The following TLN2 variants were observed in gnomAD, a reference collection of about 807,000 sequenced individuals.
TLN2 encodes the protein talin-2.
A neutral mutation model predicts 294.7 loss-of-function variants in TLN2; 118 were observed. The ratio of observed to expected loss-of-function variants is 0.40; its 90% CI spans 0.34 to 0.47. The LOEUF is 0.47. Among genes scored for constraint, TLN2 ranks in the 20% least tolerant of loss-of-function variants. The pLI, the probability that TLN2 is intolerant of heterozygous loss-of-function variation, is 0.84. For missense variants in TLN2, 3,083 were observed against 3,282.2 expected, an observed-to-expected ratio of 0.94 and a Z score of 1.48; for synonymous variants, 1,431 against 1,304.5, an observed-to-expected ratio of 1.10 and a Z score of -2.09.
chr15:62,822,563 T>TGGG (rs1174201276), intron 54 of TLN2, among the ~76,000 whole-genome samples: 2 of 152,192 alleles, frequency 1.3e-5, no homozygotes, highest in African/African-American at 4.8e-5. Flanking sequence ...GTCACTCAGC[T>TGGG]GGGAGGGCTA....
At chr15:62,619,110 G>A (rs578183530) in intron 3 of TLN2, among the ~76,000 whole-genome samples, 29 of 152,106 alleles carry the variant, frequency 1.9e-4, no homozygotes, top group African/African-American at 7.0e-4. Context: ...ACTGAGCATA[G>A]CAATGAATCT....
intron 17 of TLN2, 121 bp from the exon 18 acceptor site, chr15:62,701,871 A>G (rs951785026): frequency 2.5e-5 from 28 of 1,140,464 alleles, no homozygotes; most frequent in Non-Finnish European, 3.1e-5. Flanking sequence ...TGCTCATGTG[A>G]AGCTTGGTGT....
At chr15:62,551,095 C>T (rs544191775) in intron 1 of TLN2, among the ~76,000 whole-genome samples, 2 of 152,136 alleles carry the variant, frequency 1.3e-5, no homozygotes, top group Non-Finnish European at 2.9e-5. Flanking sequence ...CTAGGTCCCT[C>T]GCATGGGTGG....
At chr15:62,561,524 G>C (rs1032701391) in intron 1 of TLN2, 2 of 152,246 alleles carry the variant, frequency 1.3e-5, no homozygotes, top group Non-Finnish European at 2.9e-5. Flanking sequence ...GACTCCTGTG[G>C]CTAACTTCTC....
chr15:62,662,744 A>T (rs1389333624), intron 9 of TLN2, among the ~76,000 whole-genome samples: 1 of 151,778 alleles, frequency 6.6e-6, no homozygotes, highest in Non-Finnish European at 1.5e-5. Context: ...AATACATAAT[A>T]TATTCATGAT....
rs1394435449 is a variant in TLN2 at position 62,492,557 on chromosome 15, AAAAG to A, written c.-237-97126_-237-97123del. On this transcript the variant is annotated intron_variant, in intron 1 of 58. Coordinates refer to ENST00000636159, the MANE Select transcript of TLN2 (RefSeq NM_015059.3). ...AGACTCTGTCTCAAAAAAAAAAAAA[AAAAG>A]AAAAAAAGAAAAAAAACTATTCCAA... 1.4e-3 allele frequency among the ~76,000 whole-genome samples: 218 copies of A among 151,212 alleles called. 1 individual carries two copies. The highest frequency in any genetic ancestry group is 5.1e-3 in the African/African-American group (209 of 41,170).
At chr15:62,526,389 C>T (rs1248402621) in intron 1 of TLN2, among the ~76,000 whole-genome samples, 1 of 152,188 alleles carries the variant, frequency 6.6e-6, no homozygotes, top group Non-Finnish European at 1.5e-5. Flanking sequence ...TGGTACACTT[C>T]CTCTGAATGA....
At chr15:62,525,944 G>A (rs1026800205) in intron 1 of TLN2, among the ~76,000 whole-genome samples, 1 of 152,174 alleles carries the variant, frequency 6.6e-6, no homozygotes, top group African/African-American at 2.4e-5. Context: ...ACTGCTGCAA[G>A]GGAAGCTGGA....
intron 53 of TLN2, among the ~76,000 whole-genome samples, chr15:62,820,144 A>AGTGTAGTGTCTCCTGAGG (rs1421578168): frequency 6.6e-6 from 1 of 152,170 alleles, no homozygotes; most frequent in Non-Finnish European, 1.5e-5. Flanking sequence ...TGTACAGCAT[A>AGTGTAGTGTCTCCTGAGG]GTGTAGTGTC....
chr15:62,708,842 T>C (rs766546050), intron 21 of TLN2, 46 bp downstream of exon 21: 12 of 1,556,374 alleles, frequency 7.7e-6, no homozygotes, highest in Admixed American at 5.3e-5. Context: ...CTTTTGATGT[T>C]CCTGATGGTG....
chr15:62,802,239 T>A (rs1244596837), intron 50 of TLN2, among the ~76,000 whole-genome samples: 1 of 152,190 alleles, frequency 6.6e-6, no homozygotes, highest in Non-Finnish European at 1.5e-5. Flanking sequence ...TGTGCCTGGC[T>A]TATTTCACTT....
At chr15:62,551,247 C>G (rs2042281421) in intron 1 of TLN2, among the ~76,000 whole-genome samples, 1 of 152,148 alleles carries the variant, frequency 6.6e-6, no homozygotes, top group Admixed American at 6.5e-5. Flanking sequence ...TGCTCACCAC[C>G]TACTGTGTGG....
At chr15:62,795,694 T>C (rs1211959906) in intron 46 of TLN2, among the ~76,000 whole-genome samples, 1 of 152,158 alleles carries the variant, frequency 6.6e-6, no homozygotes, top group Non-Finnish European at 1.5e-5. Context: ...TAAAAGGGGA[T>C]GTAATCGCCA....
At chr15:62,693,100 T>TA (rs1041891372) in intron 13 of TLN2, among the ~76,000 whole-genome samples, 159 bp downstream of exon 13, 67 of 152,100 alleles carry the variant, frequency 4.4e-4, no homozygotes, top group African/African-American at 1.6e-3. Flanking sequence ...GAGGCTGAGA[T>TA]AGGCAGATCA....
chr15:62,784,082 T>C lies in TLN2; in HGVS notation c.5736+192T>C, dbSNP rs970635271. 8 of 939,710 alleles carry C rather than the reference T, an allele frequency of 8.5e-6. No individual in the cohort carries two copies. In the South Asian group the frequency reaches 1.6e-4, roughly 19 times the overall value. 58.2% of individuals were successfully genotyped at this position (939,710 alleles called of 1,614,324 possible). A position where few individuals can be genotyped will look rare whatever the true frequency, so the allele number is the denominator to read the frequency against. Reference sequence around the variant, plus strand: ...GGCTGTACTCAAGTCTCACTGCCCCTTATGGGGCAGACTGGCCAAGAACTG... The same window carrying C: ...GGCTGTACTCAAGTCTCACTGCCCCCTATGGGGCAGACTGGCCAAGAACTG... On this transcript the variant is annotated intron_variant, in intron 45 of 58. Coordinates refer to ENST00000636159, the MANE Select transcript of TLN2 (RefSeq NM_015059.3).
intron 1 of TLN2, among the ~76,000 whole-genome samples, chr15:62,541,427 A>T (rs1437572640): frequency 6.6e-6 from 1 of 151,642 alleles, no homozygotes; most frequent in East Asian, 1.9e-4. Flanking sequence ...TGCCTTGTGG[A>T]TTTTGGACAG....
intron 45 of TLN2, among the ~76,000 whole-genome samples, chr15:62,788,633 C>G (rs1457550258): frequency 6.6e-6 from 1 of 152,162 alleles, no homozygotes; most frequent in Non-Finnish European, 1.5e-5. Context: ...CAACTACAGT[C>G]GCTAGTATGC....
chr15:62,517,068 A>G (rs1242930904), intron 1 of TLN2, among the ~76,000 whole-genome samples: 1 of 152,218 alleles, frequency 6.6e-6, no homozygotes, highest in East Asian at 1.9e-4. Context: ...GTGGATACGG[A>G]TGAAAGAGCT....
At chr15:62,649,654 T>C (rs774526245) in intron 4 of TLN2, among the ~76,000 whole-genome samples, 2 of 152,158 alleles carry the variant, frequency 1.3e-5, no homozygotes, top group Admixed American at 6.5e-5. Context: ...ACGTAAAGGC[T>C]TCATTTGTCC....
Sources: allele counts gnomAD v4.1 joint callset (sites outside exome capture counted in the v4.1 genomes callset), GRCh38; gene constraint gnomAD v4.1.1; transcripts MANE v1.5; gene names NCBI Gene and HGNC (gene_info 2026-07-23, HGNC 2026-07-21).